CPNE4: variants seen among roughly 807,000 people sequenced by gnomAD.
CPNE4 encodes copine 4.
In CPNE4, 25 loss-of-function variants were observed where a neutral mutation model predicts 67.9. That is an observed-to-expected ratio of 0.37 (90% CI 0.27 to 0.51). CPNE4 has a LOEUF of 0.51. Among genes scored for constraint, CPNE4 ranks in the 20% least tolerant of loss-of-function variants. The pLI, the probability that CPNE4 is intolerant of heterozygous loss-of-function variation, is 0.93. For missense variants in CPNE4, 464 were observed against 690.8 expected, an observed-to-expected ratio of 0.67 and a Z score of 3.68; for synonymous variants, 242 against 244.9, an observed-to-expected ratio of 0.99 and a Z score of 0.11.
At chr3:132,025,243 G>C (rs888189788) in intron 1 of CPNE4, among the ~76,000 whole-genome samples, 6 of 152,150 alleles carry the variant, frequency 3.9e-5, no homozygotes, top group African/African-American at 1.2e-4. Context: ...CAAGGGCAGG[G>C]GAAACAAAGT....
At chr3:131,640,338 A>T (rs2079508471) in intron 7 of CPNE4, among the ~76,000 whole-genome samples, 1 of 152,194 alleles carries the variant, frequency 6.6e-6, no homozygotes, top group African/African-American at 2.4e-5. Flanking sequence ...AATGGATACA[A>T]ATCAGTAGCT....
At chr3:131,714,269 G>A (rs777170253) in intron 3 of CPNE4, among the ~76,000 whole-genome samples, 13 of 152,024 alleles carry the variant, frequency 8.6e-5, no homozygotes, top group Non-Finnish European at 1.6e-4. Context: ...TTGATCAATA[G>A]CTTGTGGTCT....
intron 2 of CPNE4, among the ~76,000 whole-genome samples, chr3:131,876,449 T>C (rs1239927406): frequency 1.3e-5 from 2 of 151,340 alleles, no homozygotes; most frequent in Admixed American, 6.6e-5. Flanking sequence ...GAGACCATCC[T>C]GGCTAACACG....
intron 11 of CPNE4, among the ~76,000 whole-genome samples, chr3:131,557,305 T>C (rs948490039): frequency 2.0e-5 from 3 of 152,086 alleles, no homozygotes; most frequent in African/African-American, 2.4e-5. Context: ...GTTCTTGGTA[T>C]ATTCAGTCAA....
At chr3:131,536,902 C>T (rs1935178386) in intron 15 of CPNE4, among the ~76,000 whole-genome samples, 1 of 152,204 alleles carries the variant, frequency 6.6e-6, no homozygotes, top group Admixed American at 6.5e-5. Flanking sequence ...CCTTGATTTT[C>T]CAGCTTCCTT....
chr3:131,655,017 A>G (rs561949065), intron 7 of CPNE4, among the ~76,000 whole-genome samples: 3 of 152,360 alleles, frequency 2.0e-5, no homozygotes, highest in East Asian at 3.9e-4. Context: ...GAGTAATTGA[A>G]TTGGAGTGCA....
intron 2 of CPNE4, among the ~76,000 whole-genome samples, chr3:131,762,719 A>G (rs991409564): frequency 1.4e-4 from 21 of 152,230 alleles, no homozygotes; most frequent in African/African-American, 4.6e-4. Context: ...GTAAAATTTC[A>G]CTGCTTTCTG....
At chr3:131,989,469 C>A (rs1371613505) in intron 1 of CPNE4, among the ~76,000 whole-genome samples, 1 of 86,086 alleles carries the variant, frequency 1.2e-5, no homozygotes, top group Non-Finnish European at 3.2e-5. Flanking sequence ...TCTTCTTGAG[C>A]AGTAACAATG....
chr3:131,585,182 T>C (rs1159340152), intron 8 of CPNE4, among the ~76,000 whole-genome samples: 1 of 152,184 alleles, frequency 6.6e-6, no homozygotes, highest in East Asian at 1.9e-4. Flanking sequence ...ATGAAACTGG[T>C]TTAGTTTTGT....
intron 2 of CPNE4, among the ~76,000 whole-genome samples, chr3:131,724,489 A>G (rs1165053439): frequency 1.3e-5 from 2 of 152,058 alleles, no homozygotes; most frequent in African/African-American, 4.8e-5. Flanking sequence ...GACATAGGAG[A>G]CTGATGTCTA....
intron 2 of CPNE4, among the ~76,000 whole-genome samples, chr3:131,851,365 G>A (rs950672648): frequency 6.6e-6 from 1 of 151,996 alleles, no homozygotes; most frequent in African/African-American, 2.4e-5. Flanking sequence ...AATATTCTAT[G>A]AGCTTAGCAC....
intron 10 of CPNE4, among the ~76,000 whole-genome samples, chr3:131,573,702 T>C (rs891186418): frequency 1.3e-5 from 2 of 152,142 alleles, no homozygotes; most frequent in East Asian, 3.9e-4. Flanking sequence ...CATTGCTTGC[T>C]TCCATACTTC....
chr3:131,985,738 C>T (rs902054006), intron 1 of CPNE4: 12 of 152,612 alleles, frequency 7.9e-5, no homozygotes, highest in Non-Finnish European at 7.3e-5. Context: ...CCATCAACTC[C>T]AAGGGAATAC....
At chr3:131,674,356 C>T (rs2080504063) in intron 6 of CPNE4, among the ~76,000 whole-genome samples, 1 of 151,812 alleles carries the variant, frequency 6.6e-6, no homozygotes, top group Non-Finnish European at 1.5e-5. Context: ...ATTCCTTCCT[C>T]CTTTTTTAAA....
intron 2 of CPNE4, among the ~76,000 whole-genome samples, chr3:131,870,270 A>C (rs898480191): frequency 1.4e-4 from 21 of 152,234 alleles, no homozygotes; most frequent in African/African-American, 5.1e-4. Context: ...ATATTCACTC[A>C]GCATCTAATT....
rs144971352 is a variant in CPNE4, at chr3:131,592,564, A to G, written c.682-4982T>C. Among the ~76,000 whole-genome samples, 628 of 152,290 alleles carry G rather than the reference A, an allele frequency of 4.1e-3. 5 individuals are homozygous for G. Among genetic ancestry groups the G allele is most frequent in the African/African-American group, 0.014 (572 of 41,566 alleles). On this transcript the variant is annotated intron_variant, in intron 7 of 15. Transcript: ENST00000429747. ...CTTGACTAGACACCTGGTAAGTGAC[A>G]AAAGTGGATCTGAACCCAGGTGTCT...
intron 2 of CPNE4, among the ~76,000 whole-genome samples, chr3:131,848,489 G>A (rs561959494): frequency 6.6e-6 from 1 of 152,160 alleles, no homozygotes; most frequent in South Asian, 2.1e-4. Context: ...ACAAAACAAA[G>A]AGGGGAGGAC....
intron 1 of CPNE4, among the ~76,000 whole-genome samples, chr3:131,978,492 A>T (rs1241056651): frequency 1.4e-5 from 1 of 72,152 alleles, no homozygotes; most frequent in African/African-American, 6.9e-5. Context: ...ATATTTATAT[A>T]TATTTATATA....
chr3:131,652,203 G>C (rs904534113), intron 7 of CPNE4, among the ~76,000 whole-genome samples: 1 of 152,224 alleles, frequency 6.6e-6, no homozygotes, highest in Non-Finnish European at 1.5e-5. Context: ...GAGCAAGGTA[G>C]TATATGATAA....
Sources: gnomAD v4.1 joint callset for allele counts (sites outside exome capture counted in the v4.1 genomes callset) on GRCh38, gnomAD v4.1.1 for gene constraint, MANE v1.5 for transcripts, NCBI Gene and HGNC (gene_info 2026-07-23, HGNC 2026-07-21) for gene names.